Variants in MID1 observed in about 807,000 individuals in gnomAD.
MID1 encodes the protein midline 1, also known as E3 ubiquitin-protein ligase Midline-1.
In MID1, 7 loss-of-function variants were observed where a neutral mutation model predicts 40.4. That is an observed-to-expected ratio of 0.17 (90% CI 0.10 to 0.33). The LOEUF (loss-of-function observed/expected upper bound fraction) is 0.33, where lower values mean the gene tolerates loss of function less well. Among genes scored for constraint, MID1 ranks in the 10% least tolerant of loss-of-function variants. The pLI, the probability that MID1 is intolerant of heterozygous loss-of-function variation, is 1.00. For synonymous variants in MID1, 229 were observed against 221.2 expected (o/e 1.04, Z -0.31); for missense variants, 367 against 558.5 (o/e 0.66, Z 3.46).
chrX:10,599,439 T>C (rs770374440), intron 1 of MID1, among the ~76,000 whole-genome samples: 2 of 112,471 alleles, frequency 1.8e-5, no homozygotes, highest in Non-Finnish European at 3.8e-5. Context: ...GTCTGAATAC[T>C]CTTCCATGTG....
intron 2 of MID1, among the ~76,000 whole-genome samples, chrX:10,551,157 T>G (rs769065524): frequency 1.3e-3 from 151 of 112,506 alleles, no homozygotes; most frequent in African/African-American, 4.6e-3. Flanking sequence ...AAATAGTTGT[T>G]ACATTGTATT....
intron 1 of MID1, among the ~76,000 whole-genome samples, chrX:10,723,674 C>T (rs2043372171): frequency 8.9e-6 from 1 of 112,686 alleles, no homozygotes; most frequent in African/African-American, 3.2e-5. Flanking sequence ...GCCTCAGCCT[C>T]CGGAGTAGCT....
Position 10,482,595 on chromosome X carries a change from C to T in MID1, c.898G>A (p.Ala300Thr). ...MRLRKLAQQI[A>T]NCKQCIERSA... ...CGCTCAATGCACTGTTTGCAGTTTGCAATCTGCTGAGCCAGTTTGCGAAGC... is the reference window on the plus strand; with the variant it reads ...CGCTCAATGCACTGTTTGCAGTTTGTAATCTGCTGAGCCAGTTTGCGAAGC... Residue 300 changes from alanine (A) to threonine (T), a missense_variant, in exon 5 of 10, where the codon GCA becomes ACA. Transcript: ENST00000317552. 1 of 1,210,854 alleles carries T rather than the reference C, an allele frequency of 8.3e-7. No individual in the cohort carries two copies. Among genetic ancestry groups the T allele is most frequent in the South Asian group, 1.8e-5 (1 of 56,990 alleles).
At chrX:10,717,784 A>G (rs928690565) in intron 1 of MID1, among the ~76,000 whole-genome samples, 1 of 111,413 alleles carries the variant, frequency 9.0e-6, no homozygotes, top group Admixed American at 9.6e-5. Context: ...AAAATTGACC[A>G]CATACTTGGA....
intron 4 of MID1, among the ~76,000 whole-genome samples, chrX:10,483,817 T>C (rs1930473344): frequency 8.9e-6 from 1 of 111,992 alleles, no homozygotes; most frequent in Non-Finnish European, 1.9e-5. Flanking sequence ...TTGAGGCCTC[T>C]AAGGAACATC....
At chrX:10,763,280 CATT>C (rs1407219949) in intron 1 of MID1, among the ~76,000 whole-genome samples, 1 of 110,111 alleles carries the variant, frequency 9.1e-6, no homozygotes, top group Non-Finnish European at 1.9e-5. Context: ...CGTCATCTAA[CATT>C]AGGTATATCT....
intron 1 of MID1, among the ~76,000 whole-genome samples, chrX:10,583,413 G>T (rs961658092): frequency 8.9e-6 from 1 of 111,925 alleles, no homozygotes. Context: ...CAAGCAAAGA[G>T]TATCTGAATT....
intron 4 of MID1, among the ~76,000 whole-genome samples, chrX:10,486,611 T>C (rs1192076723): frequency 1.8e-5 from 2 of 112,266 alleles, no homozygotes; most frequent in African/African-American, 6.5e-5. Context: ...TCCTTGGTCA[T>C]GTGCCAAAGT....
intron 2 of MID1, among the ~76,000 whole-genome samples, chrX:10,529,627 C>G (rs1012895265): frequency 8.9e-6 from 1 of 111,766 alleles, no homozygotes; most frequent in African/African-American, 3.3e-5. Context: ...CACTCCTGTG[C>G]TGTGCTCCTG....
intron 1 of MID1, among the ~76,000 whole-genome samples, chrX:10,723,152 GT>G (rs770891610): frequency 8.9e-5 from 10 of 112,270 alleles, no homozygotes; most frequent in Non-Finnish European, 1.5e-4. Flanking sequence ...TGAGTTGACA[GT>G]GGAATCTGAA....
intron 1 of MID1, among the ~76,000 whole-genome samples, chrX:10,816,487 G>T (rs927038447): frequency 8.9e-6 from 1 of 112,228 alleles, no homozygotes; most frequent in Non-Finnish European, 1.9e-5. Flanking sequence ...TGAATGGATT[G>T]TGTTTTATAT....
intron 1 of MID1, among the ~76,000 whole-genome samples, chrX:10,735,814 T>G (rs1218657387): frequency 9.0e-6 from 1 of 111,620 alleles, no homozygotes; most frequent in Non-Finnish European, 1.9e-5. Context: ...CTCAGCCTCC[T>G]GAGTAGCTGG....
At chrX:10,624,781 T>G (rs779637575), upstream of MID1, among the ~76,000 whole-genome samples, 1 of 110,977 alleles carries the variant, frequency 9.0e-6, no homozygotes, top group African/African-American at 3.3e-5. Flanking sequence ...TGGCTAATAT[T>G]TTTTACTAAT....
At chrX:10,787,131 A>C (rs2043891415) in intron 1 of MID1, among the ~76,000 whole-genome samples, 2 of 111,692 alleles carry the variant, frequency 1.8e-5, no homozygotes, top group African/African-American at 6.5e-5. Context: ...AGTCTAAAAA[A>C]GGGACACTAT....
intron 1 of MID1, among the ~76,000 whole-genome samples, chrX:10,784,524 C>A (rs2043867828): frequency 9.6e-6 from 1 of 103,791 alleles, no homozygotes; most frequent in African/African-American, 3.6e-5. Flanking sequence ...CGGCTCACTG[C>A]AACCTCCGCC....
chrX:10,563,995 G>T (rs1934434319), intron 2 of MID1, among the ~76,000 whole-genome samples: 1 of 111,969 alleles, frequency 8.9e-6, no homozygotes, highest in Non-Finnish European at 1.9e-5. Flanking sequence ...CCTTCTTCAG[G>T]TAATAAACTT....
At chrX:10,817,770 C>G (rs2044150066) in intron 1 of MID1, among the ~76,000 whole-genome samples, 1 of 108,913 alleles carries the variant, frequency 9.2e-6, no homozygotes, top group South Asian at 4.0e-4. Context: ...CAGGCGTGCG[C>G]CACCACGCCT....
intron 1 of MID1, among the ~76,000 whole-genome samples, chrX:10,702,453 T>C (rs1004058704): frequency 6.2e-5 from 7 of 112,564 alleles, no homozygotes; most frequent in Non-Finnish European, 1.3e-4. Flanking sequence ...AGTTTTATTA[T>C]ACAAACTGAA....
At chrX:10,489,739 G>A (rs1332160713) in intron 4 of MID1, among the ~76,000 whole-genome samples, 2 of 100,602 alleles carry the variant, frequency 2.0e-5, no homozygotes, top group Non-Finnish European at 4.0e-5. Flanking sequence ...TCTGTCGCCC[G>A]GGCCGGAGTG....
Sources: allele counts gnomAD v4.1 joint callset (sites outside exome capture counted in the v4.1 genomes callset), GRCh38; gene constraint gnomAD v4.1.1; transcripts MANE v1.5; gene names NCBI Gene and HGNC (gene_info 2026-07-23, HGNC 2026-07-21).